The following CLTC variants were observed in gnomAD, a reference collection of about 807,000 sequenced individuals.
CLTC encodes the protein clathrin heavy chain.
Under a neutral mutation model 195.8 loss-of-function variants are expected in CLTC, and 16 were observed. The ratio of observed to expected loss-of-function variants is 0.08; its 90% CI spans 0.06 to 0.12. CLTC has a LOEUF of 0.12. Among genes scored for constraint, CLTC ranks in the 10% least tolerant of loss-of-function variants. CLTC has a pLI of 1.00. For synonymous variants in CLTC, 667 were observed against 689.4 expected, an observed-to-expected ratio of 0.97 and a Z score of 0.51; for missense variants, 796 against 2,027.0, an observed-to-expected ratio of 0.39 and a Z score of 11.66.
intron 30 of CLTC, chr17:59,689,875 G>A (rs2033260226): frequency 6.6e-6 from 1 of 152,210 alleles, no homozygotes; most frequent in African/African-American, 2.4e-5. Context: ...CAACTAGTTA[G>A]TGGAAGGATC....
intron 30 of CLTC, among the ~76,000 whole-genome samples, chr17:59,687,359 T>C (rs574710150): frequency 2.2e-4 from 33 of 152,320 alleles, no homozygotes; most frequent in Non-Finnish European, 4.6e-4. Context: ...TCAGGGTATC[T>C]GGACCATAAT....
intron 5 of CLTC, among the ~76,000 whole-genome samples, chr17:59,655,008 T>A (rs2032430212): frequency 6.6e-6 from 1 of 152,214 alleles, no homozygotes; most frequent in African/African-American, 2.4e-5. Flanking sequence ...AGAAAGCTGT[T>A]AGGTTTTCTT....
At chr17:59,639,632 G>A (rs947688729) in intron 1 of CLTC, among the ~76,000 whole-genome samples, 2 of 152,030 alleles carry the variant, frequency 1.3e-5, no homozygotes, top group Admixed American at 6.5e-5. Context: ...AGAGAATGTT[G>A]TATATGTCCT....
chr17:59,688,357 T>G (rs2033228752), intron 30 of CLTC, among the ~76,000 whole-genome samples: 1 of 152,210 alleles, frequency 6.6e-6, no homozygotes, highest in South Asian at 2.1e-4. Context: ...CATTGCAGTC[T>G]TTGTGGAAAA....
chr17:59,661,066 CTTAAT>C (rs5821277), intron 7 of CLTC, among the ~76,000 whole-genome samples: 117,387 of 151,436 alleles, frequency 0.78, 46,427 homozygotes, highest in East Asian at 0.93. Flanking sequence ...GAAATTTGTA[CTTAAT>C]TTAATATGAA....
At chr17:59,689,031 A>C (rs888960643) in intron 30 of CLTC, 2 of 152,202 alleles carry the variant, frequency 1.3e-5, no homozygotes, top group African/African-American at 2.4e-5. Flanking sequence ...ATGCCAAAAA[A>C]TGGACATTTC....
At chr17:59,643,420 T>C (rs2032100216) in intron 1 of CLTC, among the ~76,000 whole-genome samples, 1 of 152,150 alleles carries the variant, frequency 6.6e-6, no homozygotes, top group Non-Finnish European at 1.5e-5. Context: ...ACTATATTTG[T>C]TTAGCAGATA....
At chr17:59,634,235 G>A (rs962674876) in intron 1 of CLTC, among the ~76,000 whole-genome samples, 11 of 152,188 alleles carry the variant, frequency 7.2e-5, no homozygotes, top group Admixed American at 2.0e-4. Flanking sequence ...AGCCCATTTG[G>A]TAGGTTTGGA....
In CLTC at chr17:59,685,444, TTTTAA is replaced by T; in HGVS notation, c.4606-137_4606-133del. The T allele has an allele frequency of 4.5e-6, 4 of 880,558 alleles. No homozygotes were observed. In the South Asian group the frequency reaches 8.1e-5, roughly 18 times the overall value. The allele number at this position is 880,558 out of a possible 1,614,324, so 54.5% of individuals were successfully genotyped here. ...TTTTAGCTTATCTCTTCTTTGAAAATTTTAATTTAAATGATACAACTAGGAGGCTT... is the reference window on the plus strand; with the variant it reads ...TTTTAGCTTATCTCTTCTTTGAAAATTTTAAATGATACAACTAGGAGGCTT... On this transcript the variant is annotated intron_variant, in intron 29 of 31. Transcript: ENST00000269122. The surrounding 1 kb of genome is among the most constrained non-coding windows in gnomAD (Gnocchi z 5.0).
In CLTC at chr17:59,693,845, G is replaced by C; in HGVS notation, c.5021G>C (p.Ser1674Thr). The change falls in exon 32 of 32, where the codon AGC (serine) becomes ACC (threonine). Residue 1674 changes from serine to threonine, a missense_variant. By Grantham distance (58) the Ser-to-Thr change is moderately conservative. Coordinates refer to ENST00000269122, the MANE Select transcript of CLTC (RefSeq NM_004859.4). ...YGQPQPGFGY[S>T]M ...CAGCCACAGCCTGGCTTTGGGTACAGCATGTGAGATGAAGCGCTGATCCTG... is the reference window on the plus strand; with the variant it reads ...CAGCCACAGCCTGGCTTTGGGTACACCATGTGAGATGAAGCGCTGATCCTG... 6.2e-7 allele frequency: 1 copy of C among 1,610,470 alleles called. No individual in the cohort carries two copies. Among genetic ancestry groups the C allele is most frequent in the South Asian group, 1.1e-5 (1 of 90,742 alleles).
In CLTC at chr17:59,644,470, A is replaced by C; in HGVS notation, c.237A>C (p.Val79=). The C allele has an allele frequency of 6.2e-7, 1 of 1,613,488 alleles. No individual in the cohort carries two copies. Among genetic ancestry groups the C allele is most frequent in the South Asian group, 1.1e-5 (1 of 91,082 alleles). Residue 79 remains valine, a synonymous_variant, in exon 2 of 32, where the codon GTA becomes GTC. Coordinates refer to ENST00000269122, the MANE Select transcript of CLTC (RefSeq NM_004859.4). ...CCATCATGAATCCAGCTAGCAAAGT[A>C]ATTGCACTGAAAGGTATAAAAGAAT... ...DSAIMNPASK[V]IALKAGKTLQ...
chr17:59,677,048 A>G lies in CLTC; in HGVS notation c.2656A>G (p.Ser886Gly). The change falls in exon 17 of 32, where the codon AGT becomes GGT. Residue 886 changes from serine to glycine, a missense_variant. This residue lies in a region of CLTC where 160 missense variants were observed against 448.2 expected (regional missense o/e 0.36). Coordinates refer to ENST00000269122, the MANE Select transcript of CLTC (RefSeq NM_004859.4). The part of the protein sequence containing the change: ...HNALAKIYID[S>G]NNNPERFLRE... ...TGCCTTAGCCAAAATCTACATAGACAGTAATAACAACCCGGAGAGATTTCT... is the reference window on the plus strand; with the variant it reads ...TGCCTTAGCCAAAATCTACATAGACGGTAATAACAACCCGGAGAGATTTCT... 1.2e-6 allele frequency: 2 copies of G among 1,614,108 alleles called. No homozygotes were observed. The highest frequency in any genetic ancestry group is 1.7e-6 in the Non-Finnish European group (2 of 1,180,008).
chr17:59,635,008 A>C (rs765716029), intron 1 of CLTC, among the ~76,000 whole-genome samples: 1 of 152,236 alleles, frequency 6.6e-6, no homozygotes, highest in Non-Finnish European at 1.5e-5. Flanking sequence ...AAGTTAACCA[A>C]ATCTTTAAGT....
chr17:59,683,682 C>T lies in CLTC; in HGVS notation c.4249C>T (p.Leu1417=). ...AIQFYLEFKP[L]LLNDLLMVLS... ...ACAGTTCTACTTAGAATTCAAGCCT[C>T]TGTTGTTAAATGATTTGCTGATGGT... The change falls in exon 27 of 32, where the codon CTG becomes TTG. Residue 1417 remains leucine, a synonymous_variant. Coordinates refer to ENST00000269122, the MANE Select transcript of CLTC (RefSeq NM_004859.4). The surrounding 1 kb of genome is among the most constrained non-coding windows in gnomAD (Gnocchi z 6.1). 6.2e-7 allele frequency: 1 copy of T among 1,614,176 alleles called. No homozygotes were observed. Among genetic ancestry groups the T allele is most frequent in the Non-Finnish European group, 8.5e-7 (1 of 1,180,026 alleles).
intron 1 of CLTC, among the ~76,000 whole-genome samples, chr17:59,620,486 C>T (rs1262737702): frequency 1.3e-5 from 2 of 152,056 alleles, no homozygotes; most frequent in African/African-American, 2.4e-5. Flanking sequence ...TCATTTCATT[C>T]ATTTGGGTAG....
In CLTC at chr17:59,620,040, C is replaced by T. The variant is rs564507054; in HGVS notation, c.-92C>T. On this transcript the variant is annotated 5_prime_UTR_variant, in exon 1 of 32. Transcript: ENST00000269122. ...GGATCCTGCTGAGCCCAGCCTCCCC[C>T]CTCCCCTTCTCCTCCTCTCCCTTGG... is the stretch of plus-strand genomic sequence containing the variant. 6 of 1,163,212 alleles carry T rather than the reference C, an allele frequency of 5.2e-6. No homozygotes were observed. Among genetic ancestry groups the T allele is most frequent in the East Asian group, 2.4e-5 (1 of 41,206 alleles). 72.1% of individuals were successfully genotyped at this position (1,163,212 alleles called of 1,614,324 possible).
intron 30 of CLTC, chr17:59,689,173 C>T (rs2033245239): frequency 6.6e-6 from 1 of 152,116 alleles, no homozygotes; most frequent in African/African-American, 2.4e-5. Flanking sequence ...AGAAATTAAA[C>T]CACATTTCAT....
In CLTC at chr17:59,682,870, T is replaced by C. The variant is rs368323171; in HGVS notation, c.3766-37T>C. 5.6e-6 allele frequency: 9 copies of C among 1,611,672 alleles called. No homozygotes were observed. The highest frequency in any genetic ancestry group is 1.3e-5 in the African/African-American group (1 of 74,808). ...TTAGTTTAAATAACTAGCCATGTTTTACATTTGAGTTCACAGAAAGGAAAT... is the reference window on the plus strand; with the variant it reads ...TTAGTTTAAATAACTAGCCATGTTTCACATTTGAGTTCACAGAAAGGAAAT... On this transcript the variant is annotated intron_variant, in intron 23 of 31. Transcript: ENST00000269122. This position sits in a 1 kb window ranked among gnomAD's most constrained non-coding sequence, Gnocchi z 6.8.
At chr17:59,651,447 C>T in intron 5 of CLTC, 131 bp downstream of exon 5, 1 of 671,716 alleles carries the variant, frequency 1.5e-6, no homozygotes, top group Non-Finnish European at 2.6e-6. Flanking sequence ...ATTAGTGAAG[C>T]TTTGTAAAAT....
Sources: gnomAD v4.1 joint callset for allele counts (sites outside exome capture counted in the v4.1 genomes callset) on GRCh38, gnomAD v4.1.1 for gene constraint, gnomAD v4.1.1 regional missense constraint, Gnocchi (gnomAD v3.1) non-coding constraint, MANE v1.5 for transcripts, NCBI Gene and HGNC (gene_info 2026-07-23, HGNC 2026-07-21) for gene names.